Variants in TOP1MT observed in about 807,000 individuals in gnomAD.
TOP1MT encodes the protein DNA topoisomerase I, mitochondrial.
In TOP1MT, 80 loss-of-function variants were observed where a neutral mutation model predicts 73.9. That is an observed-to-expected ratio of 1.08 (90% confidence interval 0.90 to 1.30). The LOEUF (loss-of-function observed/expected upper bound fraction) is 1.30. Ranked by LOEUF, TOP1MT falls within the 50% of genes most tolerant of loss-of-function variation. The pLI, the probability that TOP1MT is intolerant of heterozygous loss-of-function variation, is 0.00. For missense variants in TOP1MT, 815 were observed against 808.0 expected, an observed-to-expected ratio of 1.01 and a Z score of -0.10; for synonymous variants, 338 against 326.4, an observed-to-expected ratio of 1.04 and a Z score of -0.38.
rs776007738 is a variant in TOP1MT, at chr8:143,321,256, T to A, written c.1091A>T (p.Asp364Val). The A allele has an allele frequency of 3.1e-6, 5 of 1,612,334 alleles. No individual in the cohort carries two copies. The Admixed American group carries it at 8.3e-5, about 27-fold the overall frequency. The change falls in exon 8 of 14, where the codon GAC becomes GTC. Residue 364 changes from aspartate to valine, a missense_variant. By Grantham distance (152) the Asp-to-Val change is radical. Coordinates refer to ENST00000329245, the MANE Select transcript of TOP1MT (RefSeq NM_052963.3). ...ADGCQHVVEFDFLGKDCIRYY... is the reference protein window; with the variant it reads ...ADGCQHVVEFVFLGKDCIRYY... Reference sequence around the variant, plus strand: ...GCGGATGCAGTCCTTCCCCAGGAAGTCAAATTCCACCACGTGTTGGCAGCC... The same window carrying A: ...GCGGATGCAGTCCTTCCCCAGGAAGACAAATTCCACCACGTGTTGGCAGCC...
upstream of TOP1MT, among the ~76,000 whole-genome samples, chr8:143,349,169 C>A (rs997381206): frequency 3.9e-5 from 6 of 152,170 alleles, no homozygotes; most frequent in African/African-American, 1.4e-4. Context: ...AAATCTCAAG[C>A]ACACACAAAC....
chr8:143,319,097 C>T (rs1287108799), intron 8 of TOP1MT, among the ~76,000 whole-genome samples: 1 of 152,126 alleles, frequency 6.6e-6, no homozygotes, highest in African/African-American at 2.4e-5. Context: ...TTGCCTCTTC[C>T]TTTCGTGTGT....
chr8:143,340,419 G>A (rs543468320), intron 2 of TOP1MT, among the ~76,000 whole-genome samples: 16 of 152,018 alleles, frequency 1.1e-4, no homozygotes, highest in Middle Eastern at 3.4e-3. Context: ...TGCTGCCTTC[G>A]GCCTTCTCCC....
intron 8 of TOP1MT, among the ~76,000 whole-genome samples, chr8:143,320,038 C>T (rs1586754674): frequency 1.3e-5 from 2 of 151,404 alleles, no homozygotes; most frequent in African/African-American, 4.8e-5. Flanking sequence ...GCAGGAGAAT[C>T]GCTTGAACCC....
chr8:143,314,100 G>A (rs963673758), intron 12 of TOP1MT, among the ~76,000 whole-genome samples: 3 of 152,138 alleles, frequency 2.0e-5, no homozygotes, highest in African/African-American at 4.8e-5. Flanking sequence ...CTACAGTGGC[G>A]CCTGGACAGA....
upstream of TOP1MT, among the ~76,000 whole-genome samples, chr8:143,349,385 T>C (rs201537876): frequency 6.8e-6 from 1 of 146,380 alleles, no homozygotes; most frequent in Admixed American, 6.9e-5. Flanking sequence ...CTAATGGCTG[T>C]TGGAACAACC....
At chr8:143,324,276 A>C in intron 6 of TOP1MT, 134 bp from the exon 7 acceptor site, 1 of 1,394,124 alleles carries the variant, frequency 7.2e-7, no homozygotes, top group Non-Finnish European at 9.8e-7. Flanking sequence ...GGGGCAGCAA[A>C]TCTAGCTGGG....
intron 8 of TOP1MT, among the ~76,000 whole-genome samples, chr8:143,319,996 C>G (rs1190549412): frequency 6.6e-6 from 1 of 151,752 alleles, no homozygotes; most frequent in Non-Finnish European, 1.5e-5. Flanking sequence ...TGGTGGCAGG[C>G]ACCTGTAATC....
rs1026588064 is a variant in TOP1MT at position 143,331,320 on chromosome 8, C to T, written c.142G>A (p.Glu48Lys). 40 of 1,612,072 alleles carry T rather than the reference C, an allele frequency of 2.5e-5. No individual in the cohort carries two copies. The highest frequency in any genetic ancestry group is 6.7e-5 in the East Asian group (3 of 44,876). Reference sequence around the variant, plus strand: ...AGCTGTCTCCACTTCACCCCGTCTTCGTGCTTCTCCTTCTCCCACCTAAAG... The same window carrying T: ...AGCTGTCTCCACTTCACCCCGTCTTTGTGCTTCTCCTTCTCCCACCTAAAG... ...SGARWEKEKH[E>K]DGVKWRQLEH... Residue 48 changes from glutamate to lysine, a missense_variant, in exon 2 of 14, where the codon GAA becomes AAA. Physicochemically the swap from Glu to Lys is moderately conservative, Grantham distance 56. Around this residue, in one of 3 missense-constraint regions of TOP1MT, gnomAD observed 4 missense variants for 16.7 expected, o/e 0.24. Coordinates refer to ENST00000329245, the MANE Select transcript of TOP1MT (RefSeq NM_052963.3).
rs1586756626 is a variant in TOP1MT at position 143,321,477 on chromosome 8, CCACACGCACGCCACA to C, written c.961-106_961-92del. On this transcript the variant is annotated intron_variant, in intron 7 of 13. Coordinates refer to ENST00000329245, the MANE Select transcript of TOP1MT (RefSeq NM_052963.3). ...CACACACGCACGCCACACACGCACG[CCACACGCACGCCACA>C]CACGCACGCCACACACACGCACTCC... 6 of 1,001,156 alleles carry C rather than the reference CCACACGCACGCCACA, an allele frequency of 6.0e-6. No homozygotes were observed. In the East Asian group the frequency reaches 1.1e-4, roughly 19 times the overall value. The allele number at this position is 1,001,156 out of a possible 1,614,324, so 62.0% of individuals were successfully genotyped here. A position where few individuals can be genotyped will look rare whatever the true frequency, so the allele number is the denominator to read the frequency against.
chr8:143,314,795 A>G (rs943888168), intron 12 of TOP1MT, among the ~76,000 whole-genome samples: 7 of 152,142 alleles, frequency 4.6e-5, no homozygotes, highest in Admixed American at 3.9e-4. Context: ...AGATATGATT[A>G]TATATGAATA....
chr8:143,357,405 C>CA (rs35053879), upstream of TOP1MT, among the ~76,000 whole-genome samples: 393 of 86,114 alleles, frequency 4.6e-3, 2 homozygotes, highest in East Asian at 0.014. Context: ...GACCTTGTCT[C>CA]AAAAAAAAAA....
chr8:143,315,083 C>T (rs1010470736), intron 12 of TOP1MT, among the ~76,000 whole-genome samples: 4 of 152,136 alleles, frequency 2.6e-5, no homozygotes, highest in Non-Finnish European at 5.9e-5. Context: ...ACACCTGCCA[C>T]TTAGCAGACC....
intron 2 of TOP1MT, among the ~76,000 whole-genome samples, chr8:143,330,389 A>C (rs1486347144): frequency 6.6e-6 from 1 of 152,312 alleles, no homozygotes; most frequent in East Asian, 1.9e-4. Context: ...CGAGACGCTC[A>C]GTAAGGTCCC....
At chr8:143,316,876 C>G (rs1312502315) in intron 10 of TOP1MT, among the ~76,000 whole-genome samples, 2 of 152,212 alleles carry the variant, frequency 1.3e-5, no homozygotes, top group South Asian at 4.1e-4. Context: ...GGCCCCTATG[C>G]CCTCACCCAG....
Position 143,332,942 on chromosome 8 carries a change from G to A in TOP1MT, c.123-1603C>T, listed in dbSNP as rs538678636. On this transcript the variant is annotated intron_variant, in intron 1 of 13. Coordinates refer to ENST00000329245, the MANE Select transcript of TOP1MT (RefSeq NM_052963.3). ...TGCTGACTCTGCAGAGCTTTTCCAC[G>A]TCAGGTGAGACCAGCCTCACCTTTC... Among the ~76,000 whole-genome samples, 216 of 152,340 alleles carry A rather than the reference G, an allele frequency of 1.4e-3. 1 individual carries two copies. Among genetic ancestry groups the A allele is most frequent in the African/African-American group, 4.5e-3 (189 of 41,576 alleles).
chr8:143,325,620 G>T, intron 4 of TOP1MT, 87 bp from the exon 5 acceptor site: 1 of 1,251,830 alleles, frequency 8.0e-7, no homozygotes, highest in Non-Finnish European at 1.1e-6. Context: ...GGACCACCCT[G>T]CTCTGTCTGG....
chr8:143,316,382 C>T (rs1816164247), intron 10 of TOP1MT, among the ~76,000 whole-genome samples: 1 of 118,624 alleles, frequency 8.4e-6, no homozygotes, highest in Admixed American at 1.0e-4. Context: ...CCTTCCCAGG[C>T]CCCATGGCAA....
intron 3 of TOP1MT, among the ~76,000 whole-genome samples, chr8:143,328,816 G>T (rs188294380): frequency 6.6e-6 from 1 of 152,256 alleles, no homozygotes; most frequent in East Asian, 1.9e-4. Context: ...CCTCGCAGGT[G>T]TGGGGCAGAC....
Sources: gnomAD v4.1 joint callset for allele counts (sites outside exome capture counted in the v4.1 genomes callset) on GRCh38, gnomAD v4.1.1 for gene constraint, gnomAD v4.1.1 regional missense constraint, MANE v1.5 for transcripts, NCBI Gene and HGNC (gene_info 2026-07-23, HGNC 2026-07-21) for gene names.